The following MAP3K7CL variants were observed in gnomAD, a reference collection of about 807,000 sequenced individuals.
The protein encoded by MAP3K7CL is MAP3K7 C-terminal-like protein.
A neutral mutation model predicts 18.6 loss-of-function variants in MAP3K7CL; 16 were observed. That is an observed-to-expected ratio of 0.86 (90% CI 0.58 to 1.31). MAP3K7CL has a LOEUF of 1.31. Ranked by LOEUF, MAP3K7CL falls within the 50% of genes most tolerant of loss-of-function variation. The pLI, the probability that MAP3K7CL is intolerant of heterozygous loss-of-function variation, is 0.00. For missense variants in MAP3K7CL, 163 were observed against 174.4 expected (o/e 0.93, Z 0.37); for synonymous variants, 65 against 66.8 (o/e 0.97, Z 0.13).
At chr21:29,129,512 T>C (rs1211497068), upstream of MAP3K7CL, among the ~76,000 whole-genome samples, 1 of 152,242 alleles carries the variant, frequency 6.6e-6, no homozygotes, top group East Asian at 1.9e-4. Flanking sequence ...TTTTGTGGCT[T>C]GATAGTTTTT....
At position 29,079,398 on chromosome 21, in the gene MAP3K7CL, C is replaced by T. The variant is rs535209455; in HGVS notation, c.-49+1685C>T. On this transcript the variant is annotated intron_variant, in intron 1 of 7. Coordinates refer to the MAP3K7CL transcript ENST00000341618. ...GCTAATCTGAGTCTTGGCCAAATGC[C>T]AAGCTCTTTCTTAGCTTTGGCTTGC... Among the ~76,000 whole-genome samples the T allele has an allele frequency of 3.9e-5, 6 of 152,334 alleles. No homozygotes were observed. In the East Asian group the frequency reaches 1.2e-3, roughly 29 times the overall value.
At chr21:29,139,907 T>TG (rs2086968768) in intron 2 of MAP3K7CL, among the ~76,000 whole-genome samples, 1 of 141,276 alleles carries the variant, frequency 7.1e-6, no homozygotes, top group African/African-American at 3.0e-5. Context: ...TTTTTTTTTT[T>TG]TTTTTTTTTT....
intron 4 of MAP3K7CL, among the ~76,000 whole-genome samples, chr21:29,107,921 C>G (rs151028498): frequency 1.3e-5 from 2 of 152,276 alleles, no homozygotes; most frequent in East Asian, 3.9e-4. Context: ...TTGCTGTTAT[C>G]TCTCTTTTTG....
At chr21:29,089,127 A>ACCACTATACT (rs1568927793) in intron 1 of MAP3K7CL, among the ~76,000 whole-genome samples, 1 of 137,728 alleles carries the variant, frequency 7.3e-6, no homozygotes, top group African/African-American at 2.7e-5. Flanking sequence ...CCGAGATCGC[A>ACCACTATACT]CCACTATACT....
chr21:29,103,451 TC>T (rs911618390), intron 4 of MAP3K7CL, among the ~76,000 whole-genome samples: 8 of 151,464 alleles, frequency 5.3e-5, no homozygotes, highest in African/African-American at 1.9e-4. Flanking sequence ...AAAATTACAG[TC>T]AGACGCGGTG....
chr21:29,100,347 A>C (rs2086205482), intron 4 of MAP3K7CL, among the ~76,000 whole-genome samples: 1 of 152,184 alleles, frequency 6.6e-6, no homozygotes, highest in Admixed American at 6.5e-5. Context: ...AGGGGTATGA[A>C]ATTTTAGAAA....
chr21:29,085,478 C>T (rs117871279), upstream of MAP3K7CL, among the ~76,000 whole-genome samples: 1,408 of 132,096 alleles, frequency 0.011, 18 homozygotes, highest in East Asian at 0.04. Flanking sequence ...ACCCGGGAGG[C>T]GGAGCTTGCA....
In MAP3K7CL at chr21:29,155,289, A is replaced by G. The variant is rs184703226; in HGVS notation, c.133-4652A>G. Among the ~76,000 whole-genome samples, 87 of 152,348 alleles carry G rather than the reference A, an allele frequency of 5.7e-4. 1 individual carries two copies. Among genetic ancestry groups the G allele is most frequent in the African/African-American group, 1.9e-3 (80 of 41,582 alleles). ...ACCCTGAGAATCAAGGAATAAATACAAAGAGTGCTCAGCGAGTGTAGAATG... is the reference window on the plus strand; with the variant it reads ...ACCCTGAGAATCAAGGAATAAATACGAAGAGTGCTCAGCGAGTGTAGAATG... On this transcript the variant is annotated intron_variant, in intron 3 of 4. Coordinates refer to ENST00000399928, the MANE Select transcript of MAP3K7CL (RefSeq NM_001286620.2).
chr21:29,097,928 G>T (rs1464799568), intron 4 of MAP3K7CL, among the ~76,000 whole-genome samples: 1 of 152,022 alleles, frequency 6.6e-6, no homozygotes, highest in Non-Finnish European at 1.5e-5. Context: ...ATAAACTGTT[G>T]TGTCTGTATA....
chr21:29,128,910 A>T (rs1006752315), upstream of MAP3K7CL, among the ~76,000 whole-genome samples: 12 of 152,232 alleles, frequency 7.9e-5, no homozygotes, highest in Admixed American at 7.8e-4. Flanking sequence ...AGTAATATTA[A>T]TTCCTGAAAA....
chr21:29,148,229 G>A (rs370797523), intron 2 of MAP3K7CL, among the ~76,000 whole-genome samples: 1 of 151,856 alleles, frequency 6.6e-6, no homozygotes, highest in African/African-American at 2.4e-5. Flanking sequence ...ATATATGTAT[G>A]TGTAGGTATA....
intron 4 of MAP3K7CL, among the ~76,000 whole-genome samples, chr21:29,107,318 AAAG>A (rs2086341133): frequency 6.6e-6 from 1 of 152,156 alleles, no homozygotes; most frequent in African/African-American, 2.4e-5. Flanking sequence ...CCATCTAAAA[AAAG>A]GAAAGAAAGA....
intron 4 of MAP3K7CL, among the ~76,000 whole-genome samples, chr21:29,169,844 C>T (rs975284757): frequency 2.0e-5 from 3 of 152,180 alleles, no homozygotes; most frequent in African/African-American, 7.2e-5. Context: ...CCTTTCCAGG[C>T]ATGTGGCTTA....
intron 4 of MAP3K7CL, among the ~76,000 whole-genome samples, chr21:29,168,232 AG>A (rs2074123120): frequency 1.3e-5 from 2 of 152,184 alleles, no homozygotes; most frequent in Non-Finnish European, 2.9e-5. Context: ...TGTGGGGAAA[AG>A]TTCTATCTTC....
chr21:29,098,244 G>A lies in MAP3K7CL; in HGVS notation c.370+5663G>A, dbSNP rs528943047. Among the ~76,000 whole-genome samples, 3 of 152,180 alleles carry A rather than the reference G, an allele frequency of 2.0e-5. No individual in the cohort carries two copies. In the East Asian group the frequency reaches 5.8e-4, roughly 29 times the overall value. Reference sequence around the variant, plus strand: ...TAAGCTAAATAAAATTTTTAAGAGGGATTTTTCTCTCCGTGTGCTCCACAG... The same window carrying A: ...TAAGCTAAATAAAATTTTTAAGAGGAATTTTTCTCTCCGTGTGCTCCACAG... On this transcript the variant is annotated intron_variant, in intron 4 of 6. Transcript: ENST00000286791.
chr21:29,109,330 G>T, intron 4 of MAP3K7CL: 1 of 1,400,874 alleles, frequency 7.1e-7, no homozygotes, highest in Non-Finnish European at 9.3e-7. Flanking sequence ...ATTCCTTCTA[G>T]TAATTAATTT....
chr21:29,110,331 A>G (rs1227857233), intron 4 of MAP3K7CL, among the ~76,000 whole-genome samples: 7 of 151,982 alleles, frequency 4.6e-5, no homozygotes, highest in Non-Finnish European at 4.4e-5. Context: ...TGGAATTTCT[A>G]TATTCAGATG....
At chr21:29,149,337 G>T (rs1243408217) in intron 3 of MAP3K7CL, 87 bp downstream of exon 3, 2 of 1,105,038 alleles carry the variant, frequency 1.8e-6, no homozygotes, top group African/African-American at 3.1e-5. Flanking sequence ...GACTAGGGGA[G>T]ACTGACTTGG....
At chr21:29,078,048 G>A (rs1014973505) in intron 1 of MAP3K7CL, among the ~76,000 whole-genome samples, 20 of 152,010 alleles carry the variant, frequency 1.3e-4, no homozygotes, top group African/African-American at 4.4e-4. Context: ...ACCCCTGTAC[G>A]TCAGAATTGT....
Sources: allele counts gnomAD v4.1 joint callset (sites outside exome capture counted in the v4.1 genomes callset), GRCh38; gene constraint gnomAD v4.1.1; transcripts MANE v1.5; gene names NCBI Gene and HGNC (gene_info 2026-07-23, HGNC 2026-07-21).